Variants in SPIDR observed in about 807,000 individuals in gnomAD.
SPIDR encodes the protein scaffold protein involved in DNA repair, also known as DNA repair-scaffolding protein.
Under a neutral mutation model 104.6 loss-of-function variants are expected in SPIDR, and 93 were observed. The ratio of observed to expected loss-of-function variants is 0.89; its 90% CI spans 0.75 to 1.06. SPIDR has a LOEUF of 1.06. Ranked by LOEUF, SPIDR falls within the 50% of genes least tolerant of loss-of-function variation. The probability of loss-of-function intolerance (pLI) is 0.00; values close to 1 mark genes in which losing one functional copy is unlikely to be tolerated. For synonymous variants in SPIDR, 431 were observed against 416.9 expected (o/e 1.03, Z -0.41); for missense variants, 1,154 against 1,111.2 (o/e 1.04, Z -0.55).
intron 8 of SPIDR, among the ~76,000 whole-genome samples, chr8:47,471,364 A>G (rs1554720943): frequency 3.3e-5 from 5 of 151,958 alleles, no homozygotes; most frequent in African/African-American, 1.2e-4. Context: ...AAAAATGAGC[A>G]AAGGACTATA....
intron 8 of SPIDR, among the ~76,000 whole-genome samples, chr8:47,486,382 G>A (rs1236512210): frequency 6.6e-6 from 1 of 152,204 alleles, no homozygotes; most frequent in Non-Finnish European, 1.5e-5. Context: ...TCTGATTGGT[G>A]TACCTGAAAG....
chr8:47,489,006 G>A (rs1336579736), intron 8 of SPIDR, among the ~76,000 whole-genome samples: 48 of 152,158 alleles, frequency 3.2e-4, no homozygotes, highest in Non-Finnish European at 5.6e-4. Context: ...GGCCAGGGCA[G>A]TCAGGCAGGA....
intron 11 of SPIDR, among the ~76,000 whole-genome samples, chr8:47,680,535 C>T (rs1220137369): frequency 6.6e-6 from 1 of 152,184 alleles, no homozygotes; most frequent in African/African-American, 2.4e-5. Flanking sequence ...ATTTCAGAGG[C>T]TCCTTTAACA....
At chr8:47,637,278 T>C (rs2068075480) in intron 10 of SPIDR, among the ~76,000 whole-genome samples, 2 of 152,124 alleles carry the variant, frequency 1.3e-5, no homozygotes, top group South Asian at 4.1e-4. Context: ...TTGTAGAATG[T>C]CCTTAACTGT....
chr8:47,596,477 A>C (rs1376406354), intron 9 of SPIDR, among the ~76,000 whole-genome samples: 1 of 152,192 alleles, frequency 6.6e-6, no homozygotes, highest in East Asian at 1.9e-4. Flanking sequence ...GAAAAAGGAT[A>C]GTAAAAATAC....
intron 8 of SPIDR, among the ~76,000 whole-genome samples, chr8:47,479,567 G>A (rs1467675305): frequency 6.6e-6 from 1 of 152,082 alleles, no homozygotes; most frequent in Non-Finnish European, 1.5e-5. Context: ...AAGTAAAGTG[G>A]GGCAGTAGGG....
chr8:47,365,543 G>A lies in SPIDR; in HGVS notation c.526-30833G>A, dbSNP rs797042435. 7.9e-5 allele frequency among the ~76,000 whole-genome samples: 12 copies of A among 152,176 alleles called. No individual in the cohort carries two copies. The East Asian group carries it at 1.5e-3, about 20-fold the overall frequency. On this transcript the variant is annotated intron_variant, in intron 5 of 19. Coordinates refer to ENST00000297423, the MANE Select transcript of SPIDR (RefSeq NM_001080394.4). ...ATCTGTTTAGCTGTCCTCTCTAGGC[G>A]GACTTTCAGATTGTTTCCCATCTTT...
intron 8 of SPIDR, among the ~76,000 whole-genome samples, chr8:47,539,760 A>C (rs1157307548): frequency 6.6e-6 from 1 of 151,926 alleles, no homozygotes; most frequent in Non-Finnish European, 1.5e-5. Context: ...AAAAAAAAAA[A>C]ACCCTTTTCC....
chr8:47,634,236 C>T (rs1383376480), intron 10 of SPIDR, among the ~76,000 whole-genome samples: 2 of 152,098 alleles, frequency 1.3e-5, no homozygotes, highest in Non-Finnish European at 2.9e-5. Flanking sequence ...GGATGGATCA[C>T]GAGGTCAGAG....
At chr8:47,303,840 C>G (rs1326249020) in intron 5 of SPIDR, among the ~76,000 whole-genome samples, 1 of 152,048 alleles carries the variant, frequency 6.6e-6, no homozygotes, top group Non-Finnish European at 1.5e-5. Context: ...CCATGCCCAA[C>G]TAATTTTTGT....
intron 7 of SPIDR, among the ~76,000 whole-genome samples, chr8:47,425,693 T>C (rs2066295152): frequency 6.6e-6 from 1 of 152,214 alleles, no homozygotes; most frequent in Admixed American, 6.5e-5. Context: ...AAAGATTTCT[T>C]TAGGTTATTA....
At chr8:47,525,265 A>C (rs976993383) in intron 8 of SPIDR, among the ~76,000 whole-genome samples, 26 of 152,242 alleles carry the variant, frequency 1.7e-4, no homozygotes, top group Non-Finnish European at 5.9e-5. Context: ...ATGTTGTGCC[A>C]AAGGGCAGCT....
At chr8:47,733,556 A>C (rs1192136252) in intron 19 of SPIDR, among the ~76,000 whole-genome samples, 1 of 151,008 alleles carries the variant, frequency 6.6e-6, no homozygotes, top group Non-Finnish European at 1.5e-5. Context: ...ATGCAAGACT[A>C]ACTGAAACTC....
intron 8 of SPIDR, among the ~76,000 whole-genome samples, chr8:47,555,787 T>G (rs1335605769): frequency 3.3e-5 from 5 of 151,008 alleles, no homozygotes; most frequent in African/African-American, 1.2e-4. Flanking sequence ...TCTGTGAATG[T>G]GAGTTCTTAC....
chr8:47,435,563 C>T (rs1268463061), intron 7 of SPIDR, among the ~76,000 whole-genome samples: 3 of 151,928 alleles, frequency 2.0e-5, no homozygotes, highest in Non-Finnish European at 1.5e-5. Flanking sequence ...TCTTTCTGTT[C>T]CTGTTTCTTA....
intron 4 of SPIDR, among the ~76,000 whole-genome samples, chr8:47,292,106 C>G (rs964554707): frequency 6.6e-6 from 1 of 152,102 alleles, no homozygotes; most frequent in African/African-American, 2.4e-5. Flanking sequence ...TAGTTGATAA[C>G]CACAGATGTT....
At chr8:47,297,025 C>T (rs1259921204) in intron 5 of SPIDR, among the ~76,000 whole-genome samples, 1 of 152,216 alleles carries the variant, frequency 6.6e-6, no homozygotes, top group East Asian at 1.9e-4. Context: ...ATTTCTTTTT[C>T]AGGTACTTCA....
At chr8:47,601,171 A>G (rs2154426656) in intron 10 of SPIDR, among the ~76,000 whole-genome samples, 1 of 152,370 alleles carries the variant, frequency 6.6e-6, no homozygotes, top group South Asian at 2.1e-4. Context: ...TTCAAAAACA[A>G]GAAAACAACA....
chr8:47,634,990 T>A (rs1444919034), intron 10 of SPIDR, among the ~76,000 whole-genome samples: 1 of 152,176 alleles, frequency 6.6e-6, no homozygotes, highest in Non-Finnish European at 1.5e-5. Flanking sequence ...AGTAACACTT[T>A]TCTTGAAAAT....
Sources: gnomAD v4.1 joint callset for allele counts (sites outside exome capture counted in the v4.1 genomes callset) on GRCh38, gnomAD v4.1.1 for gene constraint, MANE v1.5 for transcripts, NCBI Gene and HGNC (gene_info 2026-07-23, HGNC 2026-07-21) for gene names.